Variants in NR3C2 observed in about 807,000 individuals in gnomAD.
The protein encoded by NR3C2 is mineralocorticoid receptor.
A neutral mutation model predicts 86.4 loss-of-function variants in NR3C2; 15 were observed. That is an observed-to-expected ratio of 0.17 (90% CI 0.12 to 0.27). The LOEUF (loss-of-function observed/expected upper bound fraction) is 0.27, where lower values mean the gene tolerates loss of function less well. NR3C2 is among the 10% of genes least tolerant of loss of function. The probability of loss-of-function intolerance (pLI) is 1.00; values close to 1 mark genes in which losing one functional copy is unlikely to be tolerated. For missense variants in NR3C2, 960 were observed against 1,195.6 expected (o/e 0.80, Z 2.91); for synonymous variants, 458 against 450.5 (o/e 1.02, Z -0.21).
At chr4:148,365,417 A>T (rs1746062087) in intron 2 of NR3C2, among the ~76,000 whole-genome samples, 1 of 152,018 alleles carries the variant, frequency 6.6e-6, no homozygotes, top group Non-Finnish European at 1.5e-5. Flanking sequence ...GCTCTAGAAT[A>T]CTCATTTCCT....
At chr4:148,314,439 T>C (rs1276808311) in intron 2 of NR3C2, among the ~76,000 whole-genome samples, 2 of 152,202 alleles carry the variant, frequency 1.3e-5, no homozygotes, top group Non-Finnish European at 2.9e-5. Flanking sequence ...TTGCTATGCA[T>C]AGTTTTACAG....
rs750433130 is a variant in NR3C2 at position 148,154,524 on chromosome 4, A to G, written c.2365+27T>C. On this transcript the variant is annotated intron_variant, in intron 5 of 8. Transcript: ENST00000358102. ...CCCAGACTTGTTAAGTTCAGGATGC[A>G]GCCTGTGAAAGGAGAGGCAATCCTA... 3 of 1,605,862 alleles carry G rather than the reference A, an allele frequency of 1.9e-6. No homozygotes were observed. In the South Asian group the frequency reaches 3.3e-5, roughly 18 times the overall value.
At chr4:148,290,083 A>G (rs1741727619) in intron 2 of NR3C2, among the ~76,000 whole-genome samples, 1 of 152,152 alleles carries the variant, frequency 6.6e-6, no homozygotes, top group African/African-American at 2.4e-5. Context: ...GAGGCTAGAA[A>G]TGCAAGGCCA....
At chr4:148,312,309 A>ATTTAC (rs145735235) in intron 2 of NR3C2, among the ~76,000 whole-genome samples, 150,625 of 152,246 alleles carry the variant, frequency 0.99, 74,534 homozygotes, top group East Asian at 1. Context: ...GGTTATTTAC[A>ATTTAC]TTTATGAGTA....
intron 5 of NR3C2, among the ~76,000 whole-genome samples, chr4:148,153,680 A>G (rs78416074): frequency 0.012 from 1,890 of 152,302 alleles, 21 homozygotes; most frequent in Non-Finnish European, 0.019. Context: ...TTTCTAAGTG[A>G]TGTTTCTGTA....
intron 3 of NR3C2, among the ~76,000 whole-genome samples, chr4:148,227,623 T>C (rs1253726339): frequency 1.3e-5 from 2 of 152,210 alleles, no homozygotes; most frequent in Non-Finnish European, 2.9e-5. Context: ...CCTCATTTCT[T>C]CTATATTTAT....
At chr4:148,420,239 T>C (rs1749215734) in intron 2 of NR3C2, among the ~76,000 whole-genome samples, 1 of 152,152 alleles carries the variant, frequency 6.6e-6, no homozygotes, top group African/African-American at 2.4e-5. Context: ...AGTAAAGCCC[T>C]AGTAGATGCA....
Position 148,386,679 on chromosome 4 carries a change from C to T in NR3C2, c.1757+48425G>A, listed in dbSNP as rs61764774. 2.1e-3 allele frequency among the ~76,000 whole-genome samples: 318 copies of T among 152,246 alleles called. 2 individuals are homozygous for T. Among genetic ancestry groups the T allele is most frequent in the Admixed American group, 3.5e-3 (54 of 15,292 alleles). On this transcript the variant is annotated intron_variant, in intron 2 of 8. Transcript: ENST00000358102. ...CAGATCTAGGGTCAGGCCCCGCGGTCGCCTAACTCAGGGCCTGCAAAATTT... is the reference window on the plus strand; with the variant it reads ...CAGATCTAGGGTCAGGCCCCGCGGTTGCCTAACTCAGGGCCTGCAAAATTT...
intron 2 of NR3C2, among the ~76,000 whole-genome samples, chr4:148,360,602 T>C (rs1043801747): frequency 6.6e-6 from 1 of 152,204 alleles, no homozygotes; most frequent in South Asian, 2.1e-4. Flanking sequence ...GTATCCGACA[T>C]ATTAATATCA....
intron 6 of NR3C2, among the ~76,000 whole-genome samples, chr4:148,129,160 G>A (rs112699790): frequency 1.2e-4 from 19 of 152,296 alleles, no homozygotes; most frequent in African/African-American, 4.3e-4. Context: ...TAAACATGTG[G>A]TATATGTATA....
chr4:148,183,042 A>G (rs191990407), intron 4 of NR3C2, among the ~76,000 whole-genome samples: 4 of 152,212 alleles, frequency 2.6e-5, no homozygotes, highest in African/African-American at 4.8e-5. Context: ...TCATTGTTCA[A>G]TTCCCACCTA....
At chr4:148,318,018 C>A (rs1372689330) in intron 2 of NR3C2, among the ~76,000 whole-genome samples, 1 of 119,318 alleles carries the variant, frequency 8.4e-6, no homozygotes, top group African/African-American at 3.1e-5. Context: ...AATGCTATCC[C>A]TCCCCCCTCC....
intron 3 of NR3C2, among the ~76,000 whole-genome samples, chr4:148,243,023 GTT>G (rs528509376): frequency 6.4e-5 from 9 of 140,490 alleles, no homozygotes; most frequent in Admixed American, 7.1e-5. Flanking sequence ...TACTTTTCAG[GTT>G]TTTTTTTTTT....
At chr4:148,431,156 T>A (rs1303191328) in intron 2 of NR3C2, among the ~76,000 whole-genome samples, 2 of 152,102 alleles carry the variant, frequency 1.3e-5, no homozygotes, top group Non-Finnish European at 2.9e-5. Context: ...AGTTTCAGAG[T>A]TTATTTTTTC....
chr4:148,436,014 A>G lies in NR3C2; in HGVS notation c.847T>C (p.Ser283Pro). The G allele has an allele frequency of 6.2e-7, 1 of 1,614,064 alleles. No individual in the cohort carries two copies. Among genetic ancestry groups the G allele is most frequent in the Non-Finnish European group, 8.5e-7 (1 of 1,180,006 alleles). Reference protein sequence around the residue: ...SSPPSHCSVKSPVSSPNNVTL... With the variant: ...SSPPSHCSVKPPVSSPNNVTL... ...ACATTATTGGGACTGGAGACTGGAG[A>G]TTTTACACTGCAGTGACTTGGAGGG... Residue 283 changes from serine to proline, a missense_variant, in exon 2 of 9, where the codon TCT becomes CCT. Physicochemically the swap from Ser to Pro is moderately conservative, Grantham distance 74. Coordinates refer to ENST00000358102, the MANE Select transcript of NR3C2 (RefSeq NM_000901.5).
At chr4:148,400,660 T>G (rs1295424873) in intron 2 of NR3C2, among the ~76,000 whole-genome samples, 2 of 151,308 alleles carry the variant, frequency 1.3e-5, no homozygotes, top group African/African-American at 4.9e-5. Flanking sequence ...ATGCCTGTAG[T>G]CCCAGCTACT....
At chr4:148,282,793 G>A (rs3846323) in intron 2 of NR3C2, among the ~76,000 whole-genome samples, 39,426 of 151,976 alleles carry the variant, frequency 0.26, 5,488 homozygotes, top group Middle Eastern at 0.41. Context: ...AAGAAAACAT[G>A]AGAATAGGTA....
At chr4:148,220,612 C>A (rs1737785766) in intron 3 of NR3C2, among the ~76,000 whole-genome samples, 1 of 152,092 alleles carries the variant, frequency 6.6e-6, no homozygotes, top group Non-Finnish European at 1.5e-5. Context: ...TTGAGACATG[C>A]CTGGGCAACA....
At chr4:148,223,063 T>C (rs1184069523) in intron 3 of NR3C2, among the ~76,000 whole-genome samples, 1 of 152,148 alleles carries the variant, frequency 6.6e-6, no homozygotes, top group East Asian at 1.9e-4. Context: ...CTATAATTCT[T>C]AGAAATAATA....
Sources: gnomAD v4.1 joint callset for allele counts (sites outside exome capture counted in the v4.1 genomes callset) on GRCh38, gnomAD v4.1.1 for gene constraint, MANE v1.5 for transcripts, NCBI Gene and HGNC (gene_info 2026-07-23, HGNC 2026-07-21) for gene names.